The following PNLIPRP3 variants were observed in gnomAD, a reference collection of about 807,000 sequenced individuals.
PNLIPRP3 encodes the protein pancreatic lipase related protein 3.
Under a neutral mutation model 52.8 loss-of-function variants are expected in PNLIPRP3, and 58 were observed. The observed-to-expected ratio is 1.10, with a 90% CI of 0.89 to 1.37. The LOEUF (loss-of-function observed/expected upper bound fraction) is 1.37. Ranked by LOEUF, PNLIPRP3 falls within the 40% of genes most tolerant of loss-of-function variation. PNLIPRP3 has a pLI of 0.00. For missense variants in PNLIPRP3, 593 were observed against 561.6 expected, an observed-to-expected ratio of 1.06 and a Z score of -0.57; for synonymous variants, 192 against 185.0, an observed-to-expected ratio of 1.04 and a Z score of -0.31.
intron 2 of PNLIPRP3, among the ~76,000 whole-genome samples, chr10:116,441,875 A>G (rs1845863470): frequency 6.6e-6 from 1 of 152,168 alleles, no homozygotes; most frequent in African/African-American, 2.4e-5. Context: ...GCTTAGAACA[A>G]TGCCTGGCAA....
At chr10:116,435,048 T>C (rs1845755853) in intron 1 of PNLIPRP3, among the ~76,000 whole-genome samples, 1 of 152,180 alleles carries the variant, frequency 6.6e-6, no homozygotes. Context: ...TTGAATCATC[T>C]CCTTTGAAGA....
intron 7 of PNLIPRP3, 101 bp downstream of exon 7, chr10:116,461,391 G>A: frequency 2.2e-6 from 3 of 1,365,804 alleles, no homozygotes; most frequent in South Asian, 1.4e-5. Flanking sequence ...CATATAAAAT[G>A]TATTTTCTCT....
intron 4 of PNLIPRP3, among the ~76,000 whole-genome samples, chr10:116,454,979 G>C (rs866958240): frequency 6.6e-6 from 1 of 152,114 alleles, no homozygotes. Context: ...CTCCATAGTG[G>C]CTATACCTAT....
chr10:116,470,530 G>T (rs1469460129), intron 9 of PNLIPRP3, among the ~76,000 whole-genome samples: 61 of 139,094 alleles, frequency 4.4e-4, no homozygotes, highest in African/African-American at 1.5e-3. Context: ...TTTTTTTTGA[G>T]ATGGAGTCTT....
intron 5 of PNLIPRP3, among the ~76,000 whole-genome samples, chr10:116,458,938 C>A (rs565213485): frequency 7.9e-5 from 12 of 152,240 alleles, no homozygotes; most frequent in African/African-American, 2.9e-4. Context: ...CCACTGCTAC[C>A]TAGCTTCTTT....
Position 116,477,104 on chromosome 10 carries a change from G to T in PNLIPRP3, c.1355G>T (p.Ser452Ile). Residue 452 changes from serine (S) to isoleucine (I), a missense_variant, in exon 12 of 12, where the codon AGC (serine) becomes ATC (isoleucine). Transcript: ENST00000369230. ...AAAACTTTCAGATCTACCTTCTGTA[G>T]CCAAGACATTATGGGACCTAATATT... ...GKYGYKSTFCSQDIMGPNILQ... is the reference protein window; with the variant it reads ...GKYGYKSTFCIQDIMGPNILQ... The T allele has an allele frequency of 6.3e-7, 1 of 1,594,890 alleles. No homozygotes were observed.
At chr10:116,429,647 T>G (rs894988439) in intron 1 of PNLIPRP3, among the ~76,000 whole-genome samples, 7 of 152,232 alleles carry the variant, frequency 4.6e-5, no homozygotes, top group African/African-American at 1.7e-4. Flanking sequence ...AGAACTATAT[T>G]CTATTTTGCA....
chr10:116,438,203 AG>A (rs1845805607), intron 2 of PNLIPRP3, among the ~76,000 whole-genome samples: 1 of 152,190 alleles, frequency 6.6e-6, no homozygotes, highest in Non-Finnish European at 1.5e-5. Context: ...AAGATTCAAA[AG>A]TCTTCTGGCT....
chr10:116,441,008 C>T (rs1245501800), intron 2 of PNLIPRP3, among the ~76,000 whole-genome samples: 1 of 152,158 alleles, frequency 6.6e-6, no homozygotes, highest in African/African-American at 2.4e-5. Context: ...TTAATTAACC[C>T]TTCCTCTCGA....
chr10:116,450,912 G>A (rs547055288), intron 4 of PNLIPRP3, among the ~76,000 whole-genome samples: 1 of 45,186 alleles, frequency 2.2e-5, no homozygotes, highest in East Asian at 4.1e-4. Flanking sequence ...AATTCCAGTG[G>A]CCTTTTTTTT....
At position 116,477,289 on chromosome 10, in the gene PNLIPRP3, C is replaced by T. The variant is rs566795543; in HGVS notation, c.*136C>T. 18 of 593,276 alleles carry T rather than the reference C, an allele frequency of 3.0e-5. No individual in the cohort carries two copies. Among genetic ancestry groups the T allele is most frequent in the Middle Eastern group, 2.8e-4 (1 of 3,584 alleles). The allele number at this position is 593,276 out of a possible 1,614,324, so 36.8% of individuals were successfully genotyped here. ...CAAGGGTCTTACTCAGAGTCAAGTA[C>T]GGGTTTGCTTTTTTTCTGTGTAGAA... is the stretch of plus-strand genomic sequence containing the variant. On this transcript the variant is annotated 3_prime_UTR_variant, in exon 12 of 12. Transcript: ENST00000369230.
At chr10:116,473,989 A>T (rs1846418528) in intron 10 of PNLIPRP3, among the ~76,000 whole-genome samples, 3 of 151,368 alleles carry the variant, frequency 2.0e-5, no homozygotes, top group Admixed American at 2.0e-4. Context: ...AGCCAAGGCA[A>T]TCCTAAACAA....
Position 116,463,536 on chromosome 10 carries a change from G to A in PNLIPRP3, c.808+2246G>A, listed in dbSNP as rs540438991. Among the ~76,000 whole-genome samples, 10 of 152,266 alleles carry A rather than the reference G, an allele frequency of 6.6e-5. No individual in the cohort carries two copies. In the South Asian group the frequency reaches 1.9e-3, roughly 28 times the overall value. Reference sequence around the variant, plus strand: ...TTTAAGGCCTTAGAACTTAACCAATGTCAGTTTCTCCACAGAACTGATCTT... The same window carrying A: ...TTTAAGGCCTTAGAACTTAACCAATATCAGTTTCTCCACAGAACTGATCTT... On this transcript the variant is annotated intron_variant, in intron 7 of 11. Coordinates refer to ENST00000369230, the MANE Select transcript of PNLIPRP3 (RefSeq NM_001011709.3).
intron 7 of PNLIPRP3, among the ~76,000 whole-genome samples, chr10:116,461,912 G>C (rs1434379260): frequency 6.6e-6 from 1 of 152,146 alleles, no homozygotes; most frequent in African/African-American, 2.4e-5. Flanking sequence ...AGCCTGGCAG[G>C]TTCACGACAG....
rs145843135 is a variant in PNLIPRP3, at chr10:116,455,798, G to GA, written c.533_534insA (p.Ser179ValfsTer37). The GA allele has an allele frequency of 0.049, 79,509 of 1,613,866 alleles. 2,234 individuals carry two copies. Among genetic ancestry groups the GA allele is most frequent in the Non-Finnish European group, 0.055 (64,475 of 1,179,828 alleles). The stretch of plus-strand genomic sequence containing the variant: ...GGAGCACACCTGGCTGGGGAAGCTG[G>GA]GTCAAGGATACCAGGCCTTGGAAGA... On this transcript the variant is annotated frameshift_variant, in exon 5 of 12. Coordinates refer to ENST00000369230, the MANE Select transcript of PNLIPRP3 (RefSeq NM_001011709.3). LOFTEE classifies it high-confidence loss of function.
chr10:116,435,586 G>A (rs1845763641), intron 1 of PNLIPRP3, among the ~76,000 whole-genome samples: 1 of 152,196 alleles, frequency 6.6e-6, no homozygotes, highest in Non-Finnish European at 1.5e-5. Context: ...TTCTGGCTGA[G>A]CTTTGCTGAG....
chr10:116,470,710 G>A (rs1176594747), intron 9 of PNLIPRP3, among the ~76,000 whole-genome samples: 1 of 151,864 alleles, frequency 6.6e-6, no homozygotes, highest in Non-Finnish European at 1.5e-5. Context: ...GGGTTTCACC[G>A]TGTTAGCCAG....
intron 4 of PNLIPRP3, among the ~76,000 whole-genome samples, chr10:116,448,192 C>CTTTTTT (rs1274927475): frequency 6.6e-6 from 1 of 151,568 alleles, no homozygotes. Context: ...AGTTAAAAGA[C>CTTTTTT]AAAAGTATTA....
intron 9 of PNLIPRP3, among the ~76,000 whole-genome samples, chr10:116,470,006 A>C (rs1846341936): frequency 6.6e-6 from 1 of 151,780 alleles, no homozygotes; most frequent in Non-Finnish European, 1.5e-5. Context: ...AGAGGTTGCA[A>C]AGATAGTTAG....
Sources: allele counts gnomAD v4.1 joint callset (sites outside exome capture counted in the v4.1 genomes callset), GRCh38; gene constraint gnomAD v4.1.1; transcripts MANE v1.5; gene names NCBI Gene and HGNC (gene_info 2026-07-23, HGNC 2026-07-21).